The following MYO1B variants were observed in gnomAD, a reference collection of about 807,000 sequenced individuals.
MYO1B encodes the protein myosin IB.
In MYO1B, 72 loss-of-function variants were observed where a neutral mutation model predicts 159.7. The observed-to-expected ratio is 0.45, with a 90% CI of 0.37 to 0.55. The LOEUF (loss-of-function observed/expected upper bound fraction) is 0.55. MYO1B is among the 20% of genes least tolerant of loss of function. The pLI is 0.00. For missense variants in MYO1B, 1,062 were observed against 1,364.8 expected, an observed-to-expected ratio of 0.78 and a Z score of 3.50; for synonymous variants, 468 against 473.8, an observed-to-expected ratio of 0.99 and a Z score of 0.16.
intron 13 of MYO1B, among the ~76,000 whole-genome samples, chr2:191,373,764 G>A (rs2126048590): frequency 6.6e-6 from 1 of 152,284 alleles, no homozygotes; most frequent in African/African-American, 2.4e-5. Flanking sequence ...TCAGTTATAT[G>A]TCTATAGCAA....
At chr2:191,336,453 T>C (rs1015370655) in intron 4 of MYO1B, among the ~76,000 whole-genome samples, 17 of 152,198 alleles carry the variant, frequency 1.1e-4, no homozygotes, top group Non-Finnish European at 2.4e-4. Context: ...GTTTTTCCCC[T>C]GTGTGAGAAA....
intron 30 of MYO1B, among the ~76,000 whole-genome samples, chr2:191,421,046 C>A (rs1160365282): frequency 2.0e-5 from 3 of 150,840 alleles, no homozygotes; most frequent in African/African-American, 7.3e-5. Flanking sequence ...ATATATCTTG[C>A]CTATTGTTAT....
chr2:191,312,147 CTTAAAA>C (rs1247446969), intron 3 of MYO1B, among the ~76,000 whole-genome samples: 9 of 152,272 alleles, frequency 5.9e-5, no homozygotes, highest in East Asian at 1.9e-4. Context: ...TAATAGGACT[CTTAAAA>C]TTAAAGCCAG....
Position 191,388,760 on chromosome 2 carries a change from T to C in MYO1B, c.1781+1310T>C, listed in dbSNP as rs368394796. Reference sequence around the variant, plus strand: ...GAGGTATCATTTATGTGAAGTGATATGCACAGATCTGAAGTGAACAGTTCA... The same window carrying C: ...GAGGTATCATTTATGTGAAGTGATACGCACAGATCTGAAGTGAACAGTTCA... On this transcript the variant is annotated intron_variant, in intron 17 of 30. Transcript: ENST00000392318. 2.5e-4 allele frequency among the ~76,000 whole-genome samples: 38 copies of C among 152,340 alleles called. No homozygotes were observed. The South Asian group carries it at 2.7e-3, about 11-fold the overall frequency.
At position 191,383,894 on chromosome 2, in the gene MYO1B, T is replaced by C. The variant is rs529442315; in HGVS notation, c.1353+552T>C. The stretch of plus-strand genomic sequence containing the variant: ...TTAACATACTATTCACCGGGTATTA[T>C]ATTAAGTTTAAGTGACATAAAGGGA... On this transcript the variant is annotated intron_variant, in intron 15 of 30. Coordinates refer to ENST00000392318, the MANE Select transcript of MYO1B (RefSeq NM_001130158.3). Among the ~76,000 whole-genome samples, 3 of 152,044 alleles carry C rather than the reference T, an allele frequency of 2.0e-5. No homozygotes were observed. The East Asian group carries it at 5.8e-4, about 29-fold the overall frequency.
intron 3 of MYO1B, among the ~76,000 whole-genome samples, chr2:191,310,292 T>G (rs982140843): frequency 2.0e-5 from 3 of 152,190 alleles, no homozygotes; most frequent in African/African-American, 7.2e-5. Flanking sequence ...AGCCTCCACC[T>G]CCTGGGTTCA....
chr2:191,344,412 G>C (rs1026877244), intron 5 of MYO1B, among the ~76,000 whole-genome samples: 1 of 152,178 alleles, frequency 6.6e-6, no homozygotes, highest in Non-Finnish European at 1.5e-5. Context: ...GTTGAAGACA[G>C]AATTTGCTGC....
intron 23 of MYO1B, 72 bp downstream of exon 23, chr2:191,400,907 AG>A: frequency 7.1e-7 from 1 of 1,415,392 alleles, no homozygotes; most frequent in Non-Finnish European, 9.8e-7. Context: ...CTAGCCTATT[AG>A]GGGATGAATG....
intron 21 of MYO1B, among the ~76,000 whole-genome samples, chr2:191,398,423 AC>A (rs551169413): frequency 9.5e-5 from 10 of 105,018 alleles, no homozygotes; most frequent in African/African-American, 2.6e-4. Flanking sequence ...CGGGGGGCTG[AC>A]CCCCCCCCAC....
intron 7 of MYO1B, among the ~76,000 whole-genome samples, chr2:191,353,502 T>G (rs1338558575): frequency 4.6e-5 from 7 of 152,202 alleles, no homozygotes; most frequent in African/African-American, 1.7e-4. Context: ...CTGAGCGAAC[T>G]ATGGACTAGA....
intron 10 of MYO1B, 132 bp downstream of exon 10, chr2:191,364,007 A>G (rs1389681193): frequency 3.1e-6 from 4 of 1,289,522 alleles, no homozygotes; most frequent in African/African-American, 2.9e-5. Flanking sequence ...CTGAGCAGAA[A>G]TAGAACTGTG....
intron 2 of MYO1B, among the ~76,000 whole-genome samples, chr2:191,278,366 A>G (rs754384237): frequency 6.6e-6 from 1 of 152,204 alleles, no homozygotes; most frequent in Non-Finnish European, 1.5e-5. Context: ...CACCTCCTAG[A>G]ACCATCACAT....
At chr2:191,310,473 G>C (rs1320914573) in intron 3 of MYO1B, among the ~76,000 whole-genome samples, 1 of 152,218 alleles carries the variant, frequency 6.6e-6, no homozygotes, top group Non-Finnish European at 1.5e-5. Flanking sequence ...GAAGTGCTGG[G>C]ATTACAGGCA....
intron 3 of MYO1B, among the ~76,000 whole-genome samples, chr2:191,327,339 C>G (rs1211567204): frequency 6.6e-6 from 1 of 152,138 alleles, no homozygotes; most frequent in Non-Finnish European, 1.5e-5. Flanking sequence ...AGTTTGTATT[C>G]TGGTAGGGAA....
At chr2:191,366,674 C>A (rs1460145887) in intron 11 of MYO1B, among the ~76,000 whole-genome samples, 1 of 152,096 alleles carries the variant, frequency 6.6e-6, no homozygotes, top group African/African-American at 2.4e-5. Context: ...GAAATCTGAT[C>A]CCACACAGCT....
chr2:191,409,041 C>T lies in MYO1B; in HGVS notation c.2632-3C>T. On this transcript the variant is annotated splice_polypyrimidine_tract_variant and splice_region_variant and intron_variant, in intron 25 of 30. Coordinates refer to ENST00000392318, the MANE Select transcript of MYO1B (RefSeq NM_001130158.3). ...TGTAGTATTTTCTGTCAACCCAACA[C>T]AGGTGCAAAAATACTTCTTGGAAAT... 1.2e-6 allele frequency: 2 copies of T among 1,608,038 alleles called. 1 individual carries two copies. The highest frequency in any genetic ancestry group is 1.7e-6 in the Non-Finnish European group (2 of 1,178,494).
intron 1 of MYO1B, among the ~76,000 whole-genome samples, chr2:191,275,194 G>A (rs529475815): frequency 1.3e-5 from 2 of 152,218 alleles, no homozygotes; most frequent in African/African-American, 2.4e-5. Flanking sequence ...ATGAGCCACC[G>A]CACCTGGCCT....
intron 2 of MYO1B, among the ~76,000 whole-genome samples, chr2:191,289,380 G>A (rs930064321): frequency 3.3e-5 from 5 of 152,122 alleles, no homozygotes; most frequent in African/African-American, 7.2e-5. Context: ...TAATGTGGTC[G>A]TATCACTTAA....
chr2:191,317,894 CTT>C (rs1690455307), intron 3 of MYO1B, among the ~76,000 whole-genome samples: 2 of 152,258 alleles, frequency 1.3e-5, no homozygotes, highest in African/African-American at 2.4e-5. Context: ...TTCATTTCCT[CTT>C]TGTTATTTGT....
Sources: allele counts gnomAD v4.1 joint callset (sites outside exome capture counted in the v4.1 genomes callset), GRCh38; gene constraint gnomAD v4.1.1; transcripts MANE v1.5; gene names NCBI Gene and HGNC (gene_info 2026-07-23, HGNC 2026-07-21).